Variants in CSGALNACT2 observed in about 807,000 individuals in gnomAD.
The protein encoded by CSGALNACT2 is beta 4 GalNAcT-2.
CSGALNACT2 carries 35 observed loss-of-function variants against 55.3 expected under a neutral mutation model. The ratio of observed to expected loss-of-function variants is 0.63; its 90% CI spans 0.48 to 0.84. The LOEUF (loss-of-function observed/expected upper bound fraction) is 0.84. Ranked by LOEUF, CSGALNACT2 falls within the 40% of genes least tolerant of loss-of-function variation. CSGALNACT2 has a pLI of 0.00. For synonymous variants in CSGALNACT2, 196 were observed against 224.9 expected (o/e 0.87, Z 1.15); for missense variants, 544 against 657.5 (o/e 0.83, Z 1.89).
intron 6 of CSGALNACT2, among the ~76,000 whole-genome samples, chr10:43,175,413 C>G (rs545910741): frequency 6.6e-6 from 1 of 152,200 alleles, no homozygotes; most frequent in Non-Finnish European, 1.5e-5. Context: ...CCTACTTGGC[C>G]TGATTTTTTT....
chr10:43,176,877 G>A (rs1429113738), intron 7 of CSGALNACT2, among the ~76,000 whole-genome samples: 4 of 152,110 alleles, frequency 2.6e-5, no homozygotes, highest in Non-Finnish European at 5.9e-5. Context: ...CCTAGCTTCA[G>A]TCTTACCCAG....
intron 6 of CSGALNACT2, among the ~76,000 whole-genome samples, chr10:43,175,101 G>C (rs980475117): frequency 6.6e-6 from 1 of 152,194 alleles, no homozygotes; most frequent in African/African-American, 2.4e-5. Context: ...TGCACTAGAG[G>C]TCAACAAATG....
chr10:43,142,696 C>G (rs1838656085), intron 1 of CSGALNACT2, among the ~76,000 whole-genome samples: 1 of 152,180 alleles, frequency 6.6e-6, no homozygotes, highest in Non-Finnish European at 1.5e-5. Context: ...AAAATATTTG[C>G]TGATTCCTGG....
intron 1 of CSGALNACT2, among the ~76,000 whole-genome samples, chr10:43,145,566 GC>G (rs1838729385): frequency 6.6e-6 from 1 of 151,668 alleles, no homozygotes; most frequent in African/African-American, 2.4e-5. Flanking sequence ...GCATCGCCAC[GC>G]CTGGCTAATT....
At chr10:43,154,809 T>C (rs932822712) in intron 1 of CSGALNACT2, 88 bp from the exon 2 acceptor site, 32 of 224,280 alleles carry the variant, frequency 1.4e-4, no homozygotes, top group African/African-American at 7.3e-4. Context: ...CATGTAGTAG[T>C]CACGTAGCTA....
At chr10:43,164,226 A>C (rs1352224010) in intron 5 of CSGALNACT2, among the ~76,000 whole-genome samples, 182 bp downstream of exon 5, 1 of 152,212 alleles carries the variant, frequency 6.6e-6, no homozygotes, top group Non-Finnish European at 1.5e-5. Context: ...GACCCTTTGA[A>C]ATTCATATCC....
At chr10:43,151,668 A>T (rs547869980) in intron 1 of CSGALNACT2, among the ~76,000 whole-genome samples, 16 of 152,288 alleles carry the variant, frequency 1.1e-4, no homozygotes, top group African/African-American at 3.6e-4. Context: ...GTGCAGCTGT[A>T]TCCACTCTGG....
At chr10:43,156,315 G>A (rs1175879278) in intron 2 of CSGALNACT2, among the ~76,000 whole-genome samples, 4 of 152,146 alleles carry the variant, frequency 2.6e-5, no homozygotes, top group African/African-American at 7.2e-5. Flanking sequence ...GAAAAGTAAG[G>A]AAATACCTGT....
At chr10:43,155,868 A>T in intron 2 of CSGALNACT2, 58 bp downstream of exon 2, 1 of 1,363,666 alleles carries the variant, frequency 7.3e-7, no homozygotes. Context: ...CTAGTATTGT[A>T]TGCTGGTATT....
chr10:43,177,082 T>G (rs1588914340), intron 7 of CSGALNACT2, among the ~76,000 whole-genome samples: 1 of 152,306 alleles, frequency 6.6e-6, no homozygotes, highest in East Asian at 1.9e-4. Flanking sequence ...CCTTGTCTCC[T>G]TATCATTGTA....
intron 7 of CSGALNACT2, among the ~76,000 whole-genome samples, chr10:43,176,680 C>T (rs1839486830): frequency 6.6e-6 from 1 of 152,216 alleles, no homozygotes; most frequent in East Asian, 1.9e-4. Context: ...ATCCTCCTAC[C>T]TCAATCCCCA....
At chr10:43,147,719 A>G (rs1254567354) in intron 1 of CSGALNACT2, among the ~76,000 whole-genome samples, 1 of 148,330 alleles carries the variant, frequency 6.7e-6, no homozygotes, top group African/African-American at 2.5e-5. Context: ...ATGTATTTAT[A>G]TAGGCCATTT....
At chr10:43,172,015 G>A (rs542661345) in intron 6 of CSGALNACT2, among the ~76,000 whole-genome samples, 2 of 152,186 alleles carry the variant, frequency 1.3e-5, no homozygotes, top group Non-Finnish European at 2.9e-5. Context: ...AGCCATGTGA[G>A]CAAGACTGGG....
Position 43,160,571 on chromosome 10 carries a change from A to G in CSGALNACT2, c.956A>G (p.Lys319Arg), listed in dbSNP as rs777920176. Reference protein sequence around the residue: ...YFGKEGLSKVKSILESVTSES... With the variant: ...YFGKEGLSKVRSILESVTSES... ...GGTAAAGAAGGACTGTCTAAAGTCA[A>G]GTCTATCCTAGAATCTGTCACCAGG... The change falls in exon 4 of 8, where the codon AAG becomes AGG. Residue 319 changes from lysine to arginine, a missense_variant. Physicochemically the swap from Lys to Arg is conservative, Grantham distance 26. Transcript: ENST00000374466. 44 of 1,565,020 alleles carry G rather than the reference A, an allele frequency of 2.8e-5. No individual in the cohort carries two copies. The highest frequency in any genetic ancestry group is 3.6e-5 in the Non-Finnish European group (41 of 1,136,044).
intron 5 of CSGALNACT2, among the ~76,000 whole-genome samples, chr10:43,164,511 G>T (rs905256192): frequency 2.0e-5 from 3 of 152,178 alleles, no homozygotes; most frequent in Non-Finnish European, 2.9e-5. Context: ...TGCATTTTGG[G>T]ATGATTTACT....
rs55776451 is a variant in CSGALNACT2, at chr10:43,168,673, GACACACACAC to G, written c.1254+1602_1254+1611del. Reference sequence around the variant, plus strand: ...ATCAACACTTGGCATAGTACACACAGACACACACACACACACACACACACACACACACACA... The same window carrying G: ...ATCAACACTTGGCATAGTACACACAGACACACACACACACACACACACACA... On this transcript the variant is annotated intron_variant, in intron 6 of 7. Transcript: ENST00000374466. Among the ~76,000 whole-genome samples, 703 of 147,928 alleles carry G rather than the reference GACACACACAC, an allele frequency of 4.8e-3. 9 individuals are homozygous for G. Among genetic ancestry groups the G allele is most frequent in the African/African-American group, 0.014 (584 of 40,278 alleles).
At chr10:43,180,192 A>G (rs1839563193) in intron 7 of CSGALNACT2, among the ~76,000 whole-genome samples, 1 of 152,188 alleles carries the variant, frequency 6.6e-6, no homozygotes, top group African/African-American at 2.4e-5. Context: ...TAGACTCTTT[A>G]TTTGGAGCTT....
intron 1 of CSGALNACT2, among the ~76,000 whole-genome samples, chr10:43,146,273 TG>T (rs35932241): frequency 0.017 from 2,616 of 152,182 alleles, 80 homozygotes; most frequent in African/African-American, 0.059. Context: ...AAACCACTGG[TG>T]TAAGTCCAAG....
At chr10:43,180,302 TCA>T (rs1277663790) in intron 7 of CSGALNACT2, among the ~76,000 whole-genome samples, 1 of 152,248 alleles carries the variant, frequency 6.6e-6, no homozygotes, top group Non-Finnish European at 1.5e-5. Context: ...CATTTTATTT[TCA>T]GTCTTTTTTT....
Sources: allele counts gnomAD v4.1 joint callset (sites outside exome capture counted in the v4.1 genomes callset), GRCh38; gene constraint gnomAD v4.1.1; transcripts MANE v1.5; gene names NCBI Gene and HGNC (gene_info 2026-07-23, HGNC 2026-07-21).